Variants in PRKD1 observed in about 807,000 individuals in gnomAD.
PRKD1 encodes the protein protein kinase D1.
Under a neutral mutation model 95.9 loss-of-function variants are expected in PRKD1, and 63 were observed. The ratio of observed to expected loss-of-function variants is 0.66; its 90% confidence interval spans 0.54 to 0.81. The LOEUF (loss-of-function observed/expected upper bound fraction) is 0.81. Ranked by LOEUF, PRKD1 falls within the 30% of genes least tolerant of loss-of-function variation. PRKD1 has a pLI of 0.00. For synonymous variants in PRKD1, 425 were observed against 423.1 expected, an observed-to-expected ratio of 1.00 and a Z score of -0.05; for missense variants, 1,048 against 1,165.3, an observed-to-expected ratio of 0.90 and a Z score of 1.47.
At chr14:29,676,129 T>A (rs547932235) in intron 2 of PRKD1, among the ~76,000 whole-genome samples, 22 of 150,782 alleles carry the variant, frequency 1.5e-4, no homozygotes, top group Admixed American at 6.6e-4. Flanking sequence ...AAAAAATTTT[T>A]AAAAAAGTAA....
intron 1 of PRKD1, among the ~76,000 whole-genome samples, chr14:29,832,171 C>T (rs551312621): frequency 6.6e-6 from 1 of 152,232 alleles, no homozygotes; most frequent in East Asian, 1.9e-4. Context: ...TACCAACTCA[C>T]ACTTTCACCC....
chr14:29,698,794 C>T (rs990157412), intron 2 of PRKD1, among the ~76,000 whole-genome samples: 1 of 151,920 alleles, frequency 6.6e-6, no homozygotes, highest in Non-Finnish European at 1.5e-5. Flanking sequence ...TCAATAGCAT[C>T]CAGGATCCTA....
At chr14:29,663,187 A>G (rs1346688225) in intron 4 of PRKD1, among the ~76,000 whole-genome samples, 1 of 137,208 alleles carries the variant, frequency 7.3e-6, no homozygotes, top group Non-Finnish European at 1.6e-5. Context: ...GCTAATGGAA[A>G]TATTTAAAGT....
intron 2 of PRKD1, among the ~76,000 whole-genome samples, chr14:29,700,384 T>A (rs1470066474): frequency 6.6e-6 from 1 of 152,320 alleles, no homozygotes; most frequent in African/African-American, 2.4e-5. Flanking sequence ...GTCTCTTAAA[T>A]CTCTTTTGAT....
At position 29,619,094 on chromosome 14, in the gene PRKD1, G is replaced by C. The variant is rs369583099; in HGVS notation, c.1905+5058C>G. ...TCTGGATATTGCTTTTATATGCAGA[G>C]GAATAGAATTTTATTTCTCAAGATT... On this transcript the variant is annotated intron_variant, in intron 13 of 17. Transcript: ENST00000331968. Among the ~76,000 whole-genome samples, 78 of 152,164 alleles carry C rather than the reference G, an allele frequency of 5.1e-4. No homozygotes were observed. In the South Asian group the frequency reaches 0.015, roughly 30 times the overall value.
At chr14:29,897,458 T>C (rs1454147148) in intron 1 of PRKD1, among the ~76,000 whole-genome samples, 1 of 152,102 alleles carries the variant, frequency 6.6e-6, no homozygotes, top group East Asian at 1.9e-4. Context: ...CAATGATCTG[T>C]TTTGTAGAAC....
At chr14:29,841,887 C>CA (rs903632360) in intron 1 of PRKD1, among the ~76,000 whole-genome samples, 2 of 151,446 alleles carry the variant, frequency 1.3e-5, no homozygotes, top group African/African-American at 2.4e-5. Context: ...AGCTGTACCC[C>CA]AAAAAAAATT....
intron 1 of PRKD1, among the ~76,000 whole-genome samples, chr14:29,827,873 A>T (rs1891258361): frequency 6.6e-6 from 1 of 152,098 alleles, no homozygotes; most frequent in African/African-American, 2.4e-5. Flanking sequence ...AATTACCCAG[A>T]GAGCTCTTCT....
intron 1 of PRKD1, among the ~76,000 whole-genome samples, chr14:29,844,347 G>T (rs1891992667): frequency 6.6e-6 from 1 of 152,072 alleles, no homozygotes; most frequent in African/African-American, 2.4e-5. Context: ...TACTCACTAA[G>T]TTAAAATGGA....
chr14:29,891,608 G>A lies in PRKD1; in HGVS notation c.264+35641C>T, dbSNP rs112861253. On this transcript the variant is annotated intron_variant, in intron 1 of 17. Transcript: ENST00000331968. ...ACCATGCTCTCCTATGACTCTCTAA[G>A]GCAGGGTCTCTCATAATCCACCTTT... Among the ~76,000 whole-genome samples the A allele has an allele frequency of 3.1e-3, 469 of 151,764 alleles. 2 individuals carry two copies. The highest frequency in any genetic ancestry group is 4.4e-3 in the Non-Finnish European group (300 of 67,944).
intron 1 of PRKD1, among the ~76,000 whole-genome samples, chr14:29,746,671 C>T (rs530356474): frequency 5.3e-5 from 8 of 152,196 alleles, no homozygotes; most frequent in Non-Finnish European, 7.4e-5. Flanking sequence ...AAACAGTCAT[C>T]GAATGAATGC....
chr14:29,762,667 T>C (rs1594493952), intron 1 of PRKD1, among the ~76,000 whole-genome samples: 1 of 152,348 alleles, frequency 6.6e-6, no homozygotes, highest in Non-Finnish European at 1.5e-5. Flanking sequence ...CACTTCTAGA[T>C]TGCAGACTCC....
intron 2 of PRKD1, among the ~76,000 whole-genome samples, chr14:29,691,152 C>T (rs75840104): frequency 2.4e-3 from 371 of 152,322 alleles, no homozygotes; most frequent in Middle Eastern, 0.02. Flanking sequence ...AGAGCCCACT[C>T]ATTTTTAATA....
At chr14:29,747,699 A>G (rs1222857402) in intron 1 of PRKD1, among the ~76,000 whole-genome samples, 1 of 152,204 alleles carries the variant, frequency 6.6e-6, no homozygotes, top group Non-Finnish European at 1.5e-5. Context: ...TAAGCAAGAT[A>G]GAAATGTCAA....
At chr14:29,743,308 A>G (rs1428484491) in intron 1 of PRKD1, among the ~76,000 whole-genome samples, 6 of 152,188 alleles carry the variant, frequency 3.9e-5, no homozygotes, top group African/African-American at 1.2e-4. Flanking sequence ...CATTTCATCT[A>G]GATTCAGTCA....
At chr14:29,649,444 T>TA (rs1881350567) in intron 4 of PRKD1, among the ~76,000 whole-genome samples, 1 of 151,394 alleles carries the variant, frequency 6.6e-6, no homozygotes, top group Admixed American at 6.6e-5. Context: ...TTTTTTTTTT[T>TA]AATTTTGTGT....
intron 4 of PRKD1, among the ~76,000 whole-genome samples, chr14:29,643,528 G>A (rs1322064162): frequency 1.3e-5 from 2 of 152,130 alleles, no homozygotes; most frequent in Non-Finnish European, 2.9e-5. Flanking sequence ...GACTGAATTT[G>A]TTTTTTAACC....
chr14:29,599,208 AC>A (rs200181755), intron 14 of PRKD1, 83 bp from the exon 15 acceptor site: 2 of 1,146,824 alleles, frequency 1.7e-6, no homozygotes, highest in African/African-American at 1.5e-5. Context: ...AAGAAAAAAA[AC>A]TGACAATGGA....
intron 16 of PRKD1, among the ~76,000 whole-genome samples, chr14:29,593,341 A>G (rs1893195355): frequency 6.6e-6 from 1 of 152,082 alleles, no homozygotes; most frequent in Non-Finnish European, 1.5e-5. Context: ...CAAAACATCT[A>G]TTTTTATAAA....
Sources: allele counts gnomAD v4.1 joint callset (sites outside exome capture counted in the v4.1 genomes callset), GRCh38; gene constraint gnomAD v4.1.1; transcripts MANE v1.5; gene names NCBI Gene and HGNC (gene_info 2026-07-23, HGNC 2026-07-21).